Variants in EMSY observed in about 807,000 individuals in gnomAD.
The protein encoded by EMSY is BRCA2-interacting transcriptional repressor EMSY.
In EMSY, 26 loss-of-function variants were observed where a neutral mutation model predicts 134.6. That is an observed-to-expected ratio of 0.19 (90% confidence interval 0.14 to 0.27). The LOEUF (loss-of-function observed/expected upper bound fraction) is 0.27. Ranked by LOEUF, EMSY falls within the 10% of genes least tolerant of loss-of-function variation. The probability of loss-of-function intolerance (pLI) is 1.00; values close to 1 mark genes in which losing one functional copy is unlikely to be tolerated. For synonymous variants in EMSY, 579 were observed against 577.8 expected, an observed-to-expected ratio of 1.00 and a Z score of -0.03; for missense variants, 1,305 against 1,611.4, an observed-to-expected ratio of 0.81 and a Z score of 3.26.
chr11:76,523,513 G>A (rs1199613856), intron 12 of EMSY, among the ~76,000 whole-genome samples: 1 of 152,126 alleles, frequency 6.6e-6, no homozygotes, highest in East Asian at 1.9e-4. Context: ...GGTTGCTTGT[G>A]ACCATGATTT....
intron 8 of EMSY, among the ~76,000 whole-genome samples, chr11:76,489,520 A>G (rs1949331478): frequency 6.6e-6 from 1 of 151,382 alleles, no homozygotes; most frequent in Non-Finnish European, 1.5e-5. Context: ...GTAACCCTTG[A>G]TGTTATCACC....
intron 12 of EMSY, among the ~76,000 whole-genome samples, 193 bp downstream of exon 13, chr11:76,523,484 T>C (rs2513508): frequency 0.55 from 83,791 of 152,018 alleles, 24,146 homozygotes; most frequent in East Asian, 0.73. Context: ...AGCATGTTGC[T>C]CATACTTGCT....
At chr11:76,539,861 T>A (rs2508754) in intron 17 of EMSY, among the ~76,000 whole-genome samples, 2 of 152,190 alleles carry the variant, frequency 1.3e-5, no homozygotes, top group Admixed American at 1.3e-4. Context: ...TAATAAAAAT[T>A]ACTGCTTTAT....
At chr11:76,510,609 G>A (rs1199229300) in intron 9 of EMSY, among the ~76,000 whole-genome samples, 3 of 152,190 alleles carry the variant, frequency 2.0e-5, no homozygotes, top group African/African-American at 7.2e-5. Context: ...AGGGCTATCA[G>A]TACTTCAGTA....
chr11:76,518,170 T>TTC (rs1172966252), intron 11 of EMSY, among the ~76,000 whole-genome samples: 2 of 147,920 alleles, frequency 1.4e-5, no homozygotes, highest in African/African-American at 4.9e-5. Context: ...GTACTTTCTT[T>TTC]TTTTTTTTTT....
chr11:76,526,742 G>T, intron 13 of EMSY, 107 bp downstream of exon 14: 1 of 1,125,868 alleles, frequency 8.9e-7, no homozygotes, highest in Non-Finnish European at 1.3e-6. Context: ...TAAGAAATCA[G>T]ATTGTTAAAA....
At chr11:76,534,033 A>G (rs184281036) in intron 14 of EMSY, among the ~76,000 whole-genome samples, 5 of 152,304 alleles carry the variant, frequency 3.3e-5, no homozygotes, top group South Asian at 2.1e-4. Context: ...ATAGACAGAA[A>G]GAGATGTAGC....
chr11:76,466,782 G>A (rs959761494), intron 7 of EMSY, among the ~76,000 whole-genome samples: 2 of 152,204 alleles, frequency 1.3e-5, no homozygotes, highest in African/African-American at 2.4e-5. Flanking sequence ...AGAGTCAAGA[G>A]TCCTGGGTTA....
chr11:76,495,117 TCAA>T (rs1394530211), intron 8 of EMSY, among the ~76,000 whole-genome samples: 1 of 152,210 alleles, frequency 6.6e-6, no homozygotes, highest in African/African-American at 2.4e-5. Context: ...AAGGAAAAAT[TCAA>T]CAAGTGAGGA....
chr11:76,490,650 A>G (rs915786888), intron 8 of EMSY, among the ~76,000 whole-genome samples: 2 of 152,126 alleles, frequency 1.3e-5, no homozygotes, highest in African/African-American at 4.8e-5. Context: ...TGCCTTGTTA[A>G]TCTTTTTGCT....
At chr11:76,498,139 T>C (rs1194283775) in intron 9 of EMSY, among the ~76,000 whole-genome samples, 1 of 152,174 alleles carries the variant, frequency 6.6e-6, no homozygotes, top group African/African-American at 2.4e-5. Flanking sequence ...GTTTGTTTGT[T>C]TGTTTTGCTA....
At chr11:76,445,589 G>C (rs1403107473) in intron 1 of EMSY, among the ~76,000 whole-genome samples, 3 of 152,100 alleles carry the variant, frequency 2.0e-5, no homozygotes, top group Admixed American at 2.0e-4. Flanking sequence ...GGGCGGGCTT[G>C]TCTCCTTGAC....
At chr11:76,529,920 C>T (rs1950973259) in intron 14 of EMSY, among the ~76,000 whole-genome samples, 1 of 152,066 alleles carries the variant, frequency 6.6e-6, no homozygotes, top group African/African-American at 2.4e-5. Context: ...TTCTTTTGGT[C>T]TGCAGTTTCT....
At chr11:76,468,727 C>CCACCTGTGTTAATGTGG (rs572716304) in intron 7 of EMSY, among the ~76,000 whole-genome samples, 159 of 152,228 alleles carry the variant, frequency 1.0e-3, no homozygotes, top group Non-Finnish European at 1.6e-3. Context: ...AGACACATTT[C>CCACCTGTGTTAATGTGG]CACCTGTGTT....
At chr11:76,544,641 A>G (rs977268616) in exon 19 of EMSY, 1 of 1,614,128 alleles carries the variant, frequency 6.2e-7, no homozygotes, top group African/African-American at 1.3e-5. Flanking sequence ...AAAGACAGGC[A>G]GCTTCCTACC....
chr11:76,446,388 ATG>A, intron 1 of EMSY, among the ~76,000 whole-genome samples: 1 of 111,244 alleles, frequency 9.0e-6, no homozygotes, highest in East Asian at 2.1e-4. Flanking sequence ...ATTTTAGTAT[ATG>A]TGTTGCTGAA....
intron 2 of EMSY, 82 bp from the exon 3 acceptor site, chr11:76,451,776 T>C: frequency 1.4e-6 from 1 of 731,614 alleles, no homozygotes; most frequent in Non-Finnish European, 2.0e-6. Context: ...TTTTAGTTTT[T>C]TTGCCCTGAA....
At chr11:76,500,265 T>G (rs1001629598) in intron 9 of EMSY, among the ~76,000 whole-genome samples, 5 of 152,204 alleles carry the variant, frequency 3.3e-5, no homozygotes, top group Admixed American at 2.6e-4. Context: ...AATATAATAC[T>G]TAATGTTACT....
intron 4 of EMSY, among the ~76,000 whole-genome samples, chr11:76,457,749 G>T (rs1171031867): frequency 1.3e-5 from 2 of 152,092 alleles, no homozygotes; most frequent in Non-Finnish European, 2.9e-5. Context: ...TTTTCAAAAG[G>T]TTCAGTGAAT....
Sources: gnomAD v4.1 joint callset for allele counts (sites outside exome capture counted in the v4.1 genomes callset) on GRCh38, gnomAD v4.1.1 for gene constraint, MANE v1.5 for transcripts, NCBI Gene and HGNC (gene_info 2026-07-23, HGNC 2026-07-21) for gene names.